Variants in RHEB observed in about 807,000 individuals in gnomAD.
RHEB encodes the protein Ras homolog, mTORC1 binding.
RHEB carries 2 observed loss-of-function variants against 28.8 expected under a neutral mutation model. That is an observed-to-expected ratio of 0.07 (90% CI 0.03 to 0.22). The LOEUF (loss-of-function observed/expected upper bound fraction) is 0.22, where lower values mean the gene tolerates loss of function less well. RHEB is among the 10% of genes least tolerant of loss of function. The pLI, the probability that RHEB is intolerant of heterozygous loss-of-function variation, is 1.00. For missense variants in RHEB, 76 were observed against 219.9 expected (o/e 0.35, Z 4.14); for synonymous variants, 69 against 77.3 (o/e 0.89, Z 0.56).
chr7:151,493,035 G>C (rs1802612149), intron 1 of RHEB, among the ~76,000 whole-genome samples: 1 of 151,834 alleles, frequency 6.6e-6, no homozygotes, highest in African/African-American at 2.4e-5. Context: ...TAGAGACAGG[G>C]TTTCACCACA....
chr7:151,511,678 G>C (rs1317142744), intron 1 of RHEB, among the ~76,000 whole-genome samples: 1 of 120,578 alleles, frequency 8.3e-6, no homozygotes, highest in African/African-American at 3.8e-5. Context: ...TTTTTTTTTT[G>C]AGATGGAGTC....
At chr7:151,513,227 C>G (rs914329568) in intron 1 of RHEB, among the ~76,000 whole-genome samples, 1 of 152,172 alleles carries the variant, frequency 6.6e-6, no homozygotes, top group African/African-American at 2.4e-5. Flanking sequence ...GTGATCTGAA[C>G]TGGCCACTTT....
chr7:151,510,251 T>C (rs966944075), intron 1 of RHEB, among the ~76,000 whole-genome samples: 1 of 152,200 alleles, frequency 6.6e-6, no homozygotes, highest in East Asian at 1.9e-4. Context: ...TTTGATTATT[T>C]CTCTCAAACA....
chr7:151,485,886 G>A (rs1802465457), intron 2 of RHEB, among the ~76,000 whole-genome samples: 1 of 152,082 alleles, frequency 6.6e-6, no homozygotes, highest in South Asian at 2.1e-4. Flanking sequence ...AAAGATAACA[G>A]ACCACAGCAT....
At chr7:151,510,345 T>A (rs766296640) in intron 1 of RHEB, among the ~76,000 whole-genome samples, 20 of 152,206 alleles carry the variant, frequency 1.3e-4, no homozygotes, top group Admixed American at 8.5e-4. Context: ...GAGTTCAAAA[T>A]CCTGGCTTTG....
At chr7:151,488,070 C>T (rs764624658) in intron 2 of RHEB, among the ~76,000 whole-genome samples, 6 of 152,210 alleles carry the variant, frequency 3.9e-5, no homozygotes, top group South Asian at 4.1e-4. Context: ...ACTAACAGTG[C>T]TACCTTGAGA....
chr7:151,469,765 G>A (rs917438526), intron 7 of RHEB, among the ~76,000 whole-genome samples: 11 of 152,190 alleles, frequency 7.2e-5, no homozygotes, highest in South Asian at 6.2e-4. Context: ...GCAGTTTGAT[G>A]TGATGGAAAG....
rs140813630 is a variant in RHEB at position 151,485,647 on chromosome 7, TGA to T, written c.125-845_125-844del. Among the ~76,000 whole-genome samples, 1,029 of 152,188 alleles carry T rather than the reference TGA, an allele frequency of 6.8e-3. 8 individuals carry two copies. Among genetic ancestry groups the T allele is most frequent in the Non-Finnish European group, 0.011 (726 of 68,010 alleles). On this transcript the variant is annotated intron_variant, in intron 2 of 7. Coordinates refer to ENST00000262187, the MANE Select transcript of RHEB (RefSeq NM_005614.4). ...CAGCAGAATCTATCCCTCATACAAC[TGA>T]GAGAGGTCCCACTCTACCCACAGCA...
intron 1 of RHEB, among the ~76,000 whole-genome samples, chr7:151,511,402 T>G (rs1391321747): frequency 6.6e-6 from 1 of 152,184 alleles, no homozygotes; most frequent in Admixed American, 6.5e-5. Context: ...CTACTACAGA[T>G]AAGACGCAAA....
intron 1 of RHEB, among the ~76,000 whole-genome samples, chr7:151,511,816 A>C (rs1802994428): frequency 6.6e-6 from 1 of 152,038 alleles, no homozygotes; most frequent in Non-Finnish European, 1.5e-5. Flanking sequence ...ACGCCCAGCT[A>C]ATTTTTGTAT....
chr7:151,494,169 T>A (rs1354719533), intron 1 of RHEB, among the ~76,000 whole-genome samples: 2 of 152,164 alleles, frequency 1.3e-5, no homozygotes, highest in African/African-American at 4.8e-5. Flanking sequence ...ATTAAAAAGA[T>A]TTTTGCAACA....
intron 1 of RHEB, chr7:151,503,209 G>C (rs1287523483): frequency 2.6e-6 from 2 of 783,566 alleles, no homozygotes; most frequent in African/African-American, 3.4e-5. Flanking sequence ...GCAAGAAAAG[G>C]ATAAATCTCA....
chr7:151,497,471 G>C (rs901804719), intron 1 of RHEB, among the ~76,000 whole-genome samples: 6 of 152,186 alleles, frequency 3.9e-5, no homozygotes, highest in Non-Finnish European at 8.8e-5. Flanking sequence ...ATCGCCTCCA[G>C]AGTGTTCCCT....
chr7:151,480,133 A>G (rs1802356310), intron 3 of RHEB, among the ~76,000 whole-genome samples: 3 of 152,166 alleles, frequency 2.0e-5, no homozygotes, highest in Admixed American at 2.0e-4. Flanking sequence ...AAGAACATGA[A>G]CTGTAACCCT....
At chr7:151,475,476 T>C (rs1802255433) in intron 4 of RHEB, among the ~76,000 whole-genome samples, 1 of 152,240 alleles carries the variant, frequency 6.6e-6, no homozygotes, top group African/African-American at 2.4e-5. Flanking sequence ...AAACATGAAC[T>C]TCCAACATTC....
At chr7:151,493,519 T>C (rs777262576) in intron 1 of RHEB, among the ~76,000 whole-genome samples, 4 of 152,218 alleles carry the variant, frequency 2.6e-5, no homozygotes, top group Middle Eastern at 3.2e-3. Context: ...AGCCGACACA[T>C]TGTAAACATT....
intron 7 of RHEB, among the ~76,000 whole-genome samples, chr7:151,470,127 G>C (rs1424096683): frequency 6.6e-6 from 1 of 152,082 alleles, no homozygotes; most frequent in Admixed American, 6.5e-5. Context: ...CTTATAAGAT[G>C]GTTCTTCATC....
At chr7:151,493,145 T>A (rs541283622) in intron 1 of RHEB, among the ~76,000 whole-genome samples, 1 of 152,054 alleles carries the variant, frequency 6.6e-6, no homozygotes, top group Non-Finnish European at 1.5e-5. Context: ...CTGCCCTAAA[T>A]TCCCAGCTTC....
At chr7:151,519,296 G>T in intron 1 of RHEB, 164 bp downstream of exon 1, 1 of 381,246 alleles carries the variant, frequency 2.6e-6, no homozygotes, top group South Asian at 1.2e-4. Context: ...ACGCCGCCCC[G>T]ACCGCCACCA....
Sources: gnomAD v4.1 joint callset for allele counts (sites outside exome capture counted in the v4.1 genomes callset) on GRCh38, gnomAD v4.1.1 for gene constraint, MANE v1.5 for transcripts, NCBI Gene and HGNC (gene_info 2026-07-23, HGNC 2026-07-21) for gene names.